The following PRIM2 variants were observed in gnomAD, a reference collection of about 807,000 sequenced individuals.
PRIM2 encodes the protein DNA primase large subunit.
A neutral mutation model predicts 67.3 loss-of-function variants in PRIM2; 39 were observed. The ratio of observed to expected loss-of-function variants is 0.58; its 90% CI spans 0.45 to 0.76. The LOEUF is 0.76. Among genes scored for constraint, PRIM2 ranks in the 30% least tolerant of loss-of-function variants. The pLI is 0.00. For missense variants in PRIM2, 398 were observed against 598.7 expected, an observed-to-expected ratio of 0.66 and a Z score of 3.50; for synonymous variants, 143 against 198.7, an observed-to-expected ratio of 0.72 and a Z score of 2.36.
chr6:57,271,889 A>C, the PRIM2 span, among the ~76,000 whole-genome samples: 1 of 152,192 alleles, frequency 6.6e-6, no homozygotes, highest in Admixed American at 6.5e-5. Context: ...TTATTTACCC[A>C]GTAGTCATTC....
intron 7 of PRIM2, among the ~76,000 whole-genome samples, chr6:57,422,859 G>C (rs763490180): frequency 3.9e-5 from 6 of 152,144 alleles, no homozygotes; most frequent in Non-Finnish European, 7.4e-5. Context: ...AGAAAGGATG[G>C]AAACAAATGT....
intron 7 of PRIM2, among the ~76,000 whole-genome samples, chr6:57,448,162 C>A (rs1772425295): frequency 6.6e-6 from 1 of 152,044 alleles, no homozygotes; most frequent in Admixed American, 6.6e-5. Context: ...AGAACATTTT[C>A]CAGAGAAATG....
intron 12 of PRIM2, among the ~76,000 whole-genome samples, chr6:57,617,434 A>G (rs1776775478): frequency 6.6e-6 from 1 of 152,178 alleles, no homozygotes; most frequent in African/African-American, 2.4e-5. Flanking sequence ...GACACAATTC[A>G]TTTCATAACA....
chr6:57,399,114 A>T (rs1323874338), intron 7 of PRIM2, among the ~76,000 whole-genome samples: 1 of 152,038 alleles, frequency 6.6e-6, no homozygotes, highest in Non-Finnish European at 1.5e-5. Context: ...ATATGTATAC[A>T]TGTGTCATGT....
At chr6:57,309,777 C>T in the PRIM2 span, among the ~76,000 whole-genome samples, 2 of 152,174 alleles carry the variant, frequency 1.3e-5, no homozygotes, top group Non-Finnish European at 2.9e-5. Context: ...TTTACAGTCC[C>T]ACTAACAGTG....
At chr6:57,415,559 G>A (rs1428063650) in intron 7 of PRIM2, among the ~76,000 whole-genome samples, 6 of 152,176 alleles carry the variant, frequency 3.9e-5, no homozygotes, top group African/African-American at 1.4e-4. Flanking sequence ...CAATGTTGAT[G>A]TCCGCTGACT....
At chr6:57,541,664 T>A (rs1374970580) in intron 10 of PRIM2, among the ~76,000 whole-genome samples, 2 of 152,142 alleles carry the variant, frequency 1.3e-5, no homozygotes, top group African/African-American at 4.8e-5. Context: ...CCAGCTCAAA[T>A]GCCAACAGCT....
chr6:57,263,405 G>A, the PRIM2 span, among the ~76,000 whole-genome samples: 1 of 152,140 alleles, frequency 6.6e-6, no homozygotes, highest in Admixed American at 6.5e-5. Flanking sequence ...GCTTCTGGTG[G>A]CTCTTGGCAA....
the PRIM2 span, among the ~76,000 whole-genome samples, chr6:57,260,064 C>A: frequency 6.6e-6 from 1 of 152,156 alleles, no homozygotes; most frequent in Admixed American, 6.5e-5. Flanking sequence ...TTTCCAAGAG[C>A]ATTCCTCAAT....
the PRIM2 span, among the ~76,000 whole-genome samples, chr6:57,232,413 G>A: frequency 6.6e-6 from 1 of 152,142 alleles, no homozygotes; most frequent in African/African-American, 2.4e-5. Flanking sequence ...TTAGCCAGGT[G>A]TGGTGGCGCG....
At chr6:57,375,366 C>T (rs538184235) in intron 5 of PRIM2, among the ~76,000 whole-genome samples, 1 of 152,312 alleles carries the variant, frequency 6.6e-6, no homozygotes, top group Non-Finnish European at 1.5e-5. Flanking sequence ...TGATGAATCA[C>T]ATTTATTGAT....
intron 7 of PRIM2, among the ~76,000 whole-genome samples, chr6:57,482,731 G>A (rs1273142166): frequency 6.6e-6 from 1 of 152,052 alleles, no homozygotes; most frequent in African/African-American, 2.4e-5. Context: ...AGATGTGAGG[G>A]GCACATTAGG....
chr6:57,387,600 T>C (rs1770193480), intron 7 of PRIM2, among the ~76,000 whole-genome samples: 1 of 152,108 alleles, frequency 6.6e-6, no homozygotes, highest in East Asian at 1.9e-4. Flanking sequence ...TGATAAAATA[T>C]TCAAAGGTAA....
At chr6:57,311,438 C>T (rs1354935106), upstream of PRIM2, among the ~76,000 whole-genome samples, 4 of 145,148 alleles carry the variant, frequency 2.8e-5, no homozygotes, top group Non-Finnish European at 6.0e-5. Flanking sequence ...TCGGGGCAGC[C>T]GGGCAGAGGT....
At chr6:57,351,407 C>T (rs1581818326) in intron 5 of PRIM2, among the ~76,000 whole-genome samples, 1 of 151,934 alleles carries the variant, frequency 6.6e-6, no homozygotes, top group Admixed American at 6.6e-5. Flanking sequence ...TGCCAGTGTT[C>T]AGGTTAATGA....
intron 5 of PRIM2, among the ~76,000 whole-genome samples, chr6:57,362,061 T>C (rs1769218192): frequency 6.6e-6 from 1 of 152,196 alleles, no homozygotes; most frequent in Non-Finnish European, 1.5e-5. Context: ...AATGTCTGAA[T>C]AATTTTCTGA....
the PRIM2 span, among the ~76,000 whole-genome samples, chr6:57,247,265 T>G: frequency 6.6e-6 from 1 of 152,142 alleles, no homozygotes; most frequent in Non-Finnish European, 1.5e-5. Flanking sequence ...TGCCATAACA[T>G]CTAGGGGTGA....
intron 10 of PRIM2, among the ~76,000 whole-genome samples, chr6:57,564,604 G>A (rs1279559959): frequency 4.6e-5 from 7 of 151,936 alleles, no homozygotes; most frequent in African/African-American, 1.5e-4. Flanking sequence ...TAGCTACCTC[G>A]AAGCTATGAA....
chr6:57,232,052 G>A, the PRIM2 span, among the ~76,000 whole-genome samples: 7 of 152,132 alleles, frequency 4.6e-5, no homozygotes, highest in Non-Finnish European at 7.4e-5. Context: ...TTCTATTAAA[G>A]AAGATAATCT....
Sources: gnomAD v4.1 joint callset for allele counts (sites outside exome capture counted in the v4.1 genomes callset) on GRCh38, gnomAD v4.1.1 for gene constraint, MANE v1.5 for transcripts, NCBI Gene and HGNC (gene_info 2026-07-23, HGNC 2026-07-21) for gene names.